Variants in TAGLN observed in about 807,000 individuals in gnomAD.
TAGLN encodes 22 kDa actin-binding protein.
In TAGLN, 16 loss-of-function variants were observed where a neutral mutation model predicts 21.9. The observed-to-expected ratio is 0.73, with a 90% CI of 0.49 to 1.11. TAGLN has a LOEUF of 1.11. Among genes scored for constraint, TAGLN ranks in the 50% least tolerant of loss-of-function variants. The pLI is 0.00. For missense variants in TAGLN, 248 were observed against 263.2 expected, an observed-to-expected ratio of 0.94 and a Z score of 0.40; for synonymous variants, 96 against 94.9, an observed-to-expected ratio of 1.01 and a Z score of -0.06.
At position 117,203,438 on chromosome 11, in the gene TAGLN, T is replaced by C; in HGVS notation, c.312T>C (p.Tyr104=). The C allele has an allele frequency of 6.2e-7, 1 of 1,614,152 alleles. No individual in the cohort carries two copies. The highest frequency in any genetic ancestry group is 8.5e-7 in the Non-Finnish European group (1 of 1,180,038). Reference sequence around the variant, plus strand: ...AGTTCCTGAAGGCGGCTGAGGACTATGGGGTCATCAAGACTGACATGTTCC... The same window carrying C: ...AGTTCCTGAAGGCGGCTGAGGACTACGGGGTCATCAAGACTGACATGTTCC... The part of the protein sequence containing the change: ...VAQFLKAAED[Y]GVIKTDMFQT... The change falls in exon 3 of 5, where the codon TAT becomes TAC. Residue 104 remains tyrosine (Y), a synonymous_variant. Transcript: ENST00000392951. The surrounding 1 kb of genome is among the most constrained non-coding windows in gnomAD (Gnocchi z 4.4).
chr11:117,201,310 C>T (rs1591777806), intron 1 of TAGLN: 2 of 152,250 alleles, frequency 1.3e-5, no homozygotes, highest in African/African-American at 4.8e-5. Context: ...TGCCCAATGA[C>T]GGGCACTTCG....
chr11:117,204,092 A>AT, intron 4 of TAGLN, 123 bp from the exon 5 acceptor site: 1 of 1,447,268 alleles, frequency 6.9e-7, no homozygotes, highest in Non-Finnish European at 9.4e-7. Flanking sequence ...GGCAAGCTAG[A>AT]TTAGGGAAAA....
intron 1 of TAGLN, chr11:117,202,632 T>C (rs2031145531): frequency 6.4e-6 from 1 of 156,006 alleles, no homozygotes; most frequent in South Asian, 2.0e-4. Flanking sequence ...CTGTCTGCTT[T>C]TGTAAGTAAA....
At chr11:117,202,707 C>T (rs76291231) in intron 1 of TAGLN, 2,551 of 213,514 alleles carry the variant, frequency 0.012, 75 homozygotes, top group African/African-American at 0.055. Flanking sequence ...CACACTGCAA[C>T]AGCAGAGACC....
In TAGLN at chr11:117,204,757, A is replaced by C; in HGVS notation, c.*398A>C. 2.9e-5 allele frequency: 7 copies of C among 240,140 alleles called. No homozygotes were observed. The highest frequency in any genetic ancestry group is 5.1e-5 in the Admixed American group (1 of 19,576). The allele number at this position is 240,140 out of a possible 1,614,324, so 14.9% of individuals were successfully genotyped here. A position where few individuals can be genotyped will look rare whatever the true frequency, so the allele number is the denominator to read the frequency against. On this transcript the variant is annotated 3_prime_UTR_variant, in exon 5 of 5. Transcript: ENST00000392951. ...GTCCTGGAATATTTTTGGGGTTGGA[A>C]CTCAAAAAAAAAAAAAAAAAATCAA...
At position 117,203,036 on chromosome 11, in the gene TAGLN, A is replaced by G. The variant is rs1463325807; in HGVS notation, c.23A>G (p.Tyr8Cys). The G allele has an allele frequency of 6.3e-7, 1 of 1,581,616 alleles. No individual in the cohort carries two copies. Among genetic ancestry groups the G allele is most frequent in the Non-Finnish European group, 8.6e-7 (1 of 1,164,548 alleles). Residue 8 changes from tyrosine to cysteine, a missense_variant, in exon 2 of 5, where the codon TAT becomes TGT. Tyr to Cys is a radical substitution (Grantham distance 194). Coordinates refer to ENST00000392951, the MANE Select transcript of TAGLN (RefSeq NM_003186.5). This position sits in a 1 kb window ranked among gnomAD's most constrained non-coding sequence, Gnocchi z 4.4. The stretch of plus-strand genomic sequence containing the variant: ...GACATGGCCAACAAGGGTCCTTCCT[A>G]TGGCATGAGCCGCGAAGTGCAGTCC... MANKGPS[Y>C]GMSREVQSKI...
chr11:117,203,442 GTCA>G lies in TAGLN; in HGVS notation c.320_322del (p.Ile107del), dbSNP rs770072244. On this transcript the variant is annotated inframe_deletion, in exon 3 of 5. Transcript: ENST00000392951. The surrounding 1 kb of genome is among the most constrained non-coding windows in gnomAD (Gnocchi z 4.4). The stretch of plus-strand genomic sequence containing the variant: ...CCTGAAGGCGGCTGAGGACTATGGG[GTCA>G]TCAAGACTGACATGTTCCAGACTGT... 7 of 1,614,094 alleles carry G rather than the reference GTCA, an allele frequency of 4.3e-6. No individual in the cohort carries two copies. The highest frequency in any genetic ancestry group is 1.3e-5 in the African/African-American group (1 of 74,930).
chr11:117,203,369 G>A lies in TAGLN; in HGVS notation c.243G>A (p.Glu81=). Residue 81 remains glutamate (E), a synonymous_variant, in exon 3 of 5, where the codon GAG becomes GAA. Transcript: ENST00000392951. This position sits in a 1 kb window ranked among gnomAD's most constrained non-coding sequence, Gnocchi z 4.4. ...PDGSKPVKVP[E]NPPSMVFKQM... is the part of the protein sequence containing the mutation. ...GCTCCAAGCCGGTGAAGGTGCCCGAGAACCCACCCTCCATGGTCTTCAAGC... is the reference window on the plus strand; with the variant it reads ...GCTCCAAGCCGGTGAAGGTGCCCGAAAACCCACCCTCCATGGTCTTCAAGC... The A allele has an allele frequency of 6.2e-7, 1 of 1,614,194 alleles. No homozygotes were observed. Among genetic ancestry groups the A allele is most frequent in the South Asian group, 1.1e-5 (1 of 91,084 alleles).
rs1197978162 is a variant in TAGLN at position 117,204,347 on chromosome 11, G to GATC, written c.599_601dup (p.Ile200dup). On this transcript the variant is annotated inframe_insertion, in exon 5 of 5. Transcript: ENST00000392951. ...TGACAGGCTACGGACGACCTCGGCA[G>GATC]ATCATCAGTTAGAGCGGAGAGGGCT... 6 of 1,614,242 alleles carry GATC rather than the reference G, an allele frequency of 3.7e-6. No homozygotes were observed. The Admixed American group carries it at 1.0e-4, about 27-fold the overall frequency.
Position 117,203,333 on chromosome 11 carries a change from G to A in TAGLN, c.207G>A (p.Leu69=), listed in dbSNP as rs757769043. 3 of 1,614,210 alleles carry A rather than the reference G, an allele frequency of 1.9e-6. No homozygotes were observed. Among genetic ancestry groups the A allele is most frequent in the South Asian group, 1.1e-5 (1 of 91,082 alleles). ...GVILSKLVNS[L]YPDGSKPVKV... ...TTCTGAGCAAGCTGGTGAACAGCCTGTACCCTGATGGCTCCAAGCCGGTGA... is the reference window on the plus strand; with the variant it reads ...TTCTGAGCAAGCTGGTGAACAGCCTATACCCTGATGGCTCCAAGCCGGTGA... Residue 69 remains leucine, a synonymous_variant, in exon 3 of 5, where the codon CTG becomes CTA. Transcript: ENST00000392951. This position sits in a 1 kb window ranked among gnomAD's most constrained non-coding sequence, Gnocchi z 4.4.
In TAGLN at chr11:117,203,160, CTTGGGCTTCCAG is replaced by C; in HGVS notation, c.148_159del (p.Leu50_Gln53del). 6.3e-7 allele frequency: 1 copy of C among 1,593,904 alleles called. No individual in the cohort carries two copies. Among genetic ancestry groups the C allele is most frequent in the Non-Finnish European group, 8.6e-7 (1 of 1,167,760 alleles). On this transcript the variant is annotated inframe_deletion, in exon 2 of 5. Transcript: ENST00000392951. This position sits in a 1 kb window ranked among gnomAD's most constrained non-coding sequence, Gnocchi z 4.4. Reference sequence around the variant, plus strand: ...ATGTGGGCCGCCCAGACCGTGGGCGCTTGGGCTTCCAGGTCTGGCTGAAGAATGGCGTGGTGA... The same window carrying C: ...ATGTGGGCCGCCCAGACCGTGGGCGCGTCTGGCTGAAGAATGGCGTGGTGA...
chr11:117,204,486 T>C lies in TAGLN; in HGVS notation c.*127T>C. The C allele has an allele frequency of 2.1e-6, 3 of 1,414,990 alleles. No individual in the cohort carries two copies. Among genetic ancestry groups the C allele is most frequent in the Non-Finnish European group, 2.9e-6 (3 of 1,021,112 alleles). The allele number at this position is 1,414,990 out of a possible 1,614,324, so 87.7% of individuals were successfully genotyped here. ...TGGCCAAGCTTTGAGGCTCTGTCAC[T>C]GAGCAATGGTAACTGCACCTGGGCA... is the stretch of plus-strand genomic sequence containing the variant. On this transcript the variant is annotated 3_prime_UTR_variant, in exon 5 of 5. Transcript: ENST00000392951.
At chr11:117,200,733 C>T (rs652455) in intron 1 of TAGLN, among the ~76,000 whole-genome samples, 118,640 of 152,000 alleles carry the variant, frequency 0.78, 46,811 homozygotes, top group Non-Finnish European at 0.85. Flanking sequence ...GGGGCTGCAG[C>T]GTTGTGTACC....
rs1451840635 is a variant in TAGLN at position 117,203,104 on chromosome 11, G to C, written c.91G>C (p.Val31Leu). Residue 31 changes from valine (V) to leucine (L), a missense_variant, in exon 2 of 5, where the codon GTG becomes CTG. Val to Leu is a conservative substitution (Grantham distance 32, BLOSUM62 1). Transcript: ENST00000392951. This position sits in a 1 kb window ranked among gnomAD's most constrained non-coding sequence, Gnocchi z 4.4. ...TGACGAGGAGCTGGAGGAGCGGCTGGTGGAGTGGATCATAGTGCAGTGTGG... is the reference window on the plus strand; with the variant it reads ...TGACGAGGAGCTGGAGGAGCGGCTGCTGGAGTGGATCATAGTGCAGTGTGG... The part of the protein sequence containing the change: ...KYDEELEERL[V>L]EWIIVQCGPD... 1 of 1,612,966 alleles carries C rather than the reference G, an allele frequency of 6.2e-7. No homozygotes were observed. The highest frequency in any genetic ancestry group is 1.7e-5 in the Admixed American group (1 of 59,864).
In TAGLN at chr11:117,206,465, T is replaced by G; in HGVS notation, c.*2106T>G. The G allele has an allele frequency of 6.8e-7, 1 of 1,471,780 alleles. No homozygotes were observed. The highest frequency in any genetic ancestry group is 9.1e-7 in the Non-Finnish European group (1 of 1,101,196). The allele number at this position is 1,471,780 out of a possible 1,614,324, so 91.2% of individuals were successfully genotyped here. A position where few individuals can be genotyped will look rare whatever the true frequency, so the allele number is the denominator to read the frequency against. On this transcript the variant is annotated 3_prime_UTR_variant, in exon 5 of 5. Transcript: ENST00000392951. ...GTCTTTTTCCTTCTAGGGACTGCCT[T>G]TTTCACCCAAACTGTTCCCTCTGCC...
intron 1 of TAGLN, 43 bp from the exon 2 acceptor site, chr11:117,202,959 C>A: frequency 6.6e-7 from 1 of 1,507,104 alleles, no homozygotes; most frequent in South Asian, 1.3e-5. Context: ...AGAGCTGCTC[C>A]CTGACCCTCT....
chr11:117,204,040 C>T (rs1273822957), intron 4 of TAGLN, 156 bp downstream of exon 4: 16 of 1,098,142 alleles, frequency 1.5e-5, no homozygotes, highest in Admixed American at 2.4e-5. Context: ...TCCTTGACCC[C>T]TCCCTTTCCA....
At position 117,206,925 on chromosome 11, in the gene TAGLN, T is replaced by C. The variant is rs1325123757; in HGVS notation, c.*2566T>C. Reference sequence around the variant, plus strand: ...CACAGCAAAAAGGAGAGGCCCAGACTGTGAGTTCCCAGCCCGGGGCTCCAT... The same window carrying C: ...CACAGCAAAAAGGAGAGGCCCAGACCGTGAGTTCCCAGCCCGGGGCTCCAT... On this transcript the variant is annotated 3_prime_UTR_variant, in exon 5 of 5. Transcript: ENST00000392951. The C allele has an allele frequency of 3.1e-6, 3 of 959,312 alleles. No individual in the cohort carries two copies. Among genetic ancestry groups the C allele is most frequent in the African/African-American group, 3.3e-5 (2 of 61,516 alleles). 59.4% of individuals were successfully genotyped at this position (959,312 alleles called of 1,614,324 possible). A position where few individuals can be genotyped will look rare whatever the true frequency, so the allele number is the denominator to read the frequency against.
chr11:117,203,104 G>A lies in TAGLN; in HGVS notation c.91G>A (p.Val31Met). Residue 31 changes from valine to methionine, a missense_variant, in exon 2 of 5, where the codon GTG becomes ATG. Coordinates refer to ENST00000392951, the MANE Select transcript of TAGLN (RefSeq NM_003186.5). This position sits in a 1 kb window ranked among gnomAD's most constrained non-coding sequence, Gnocchi z 4.4. ...KYDEELEERL[V>M]EWIIVQCGPD... The stretch of plus-strand genomic sequence containing the variant: ...TGACGAGGAGCTGGAGGAGCGGCTG[G>A]TGGAGTGGATCATAGTGCAGTGTGG... 6.2e-7 allele frequency: 1 copy of A among 1,612,966 alleles called. No homozygotes were observed. Among genetic ancestry groups the A allele is most frequent in the Non-Finnish European group, 8.5e-7 (1 of 1,179,398 alleles).
Sources: allele counts gnomAD v4.1 joint callset (sites outside exome capture counted in the v4.1 genomes callset), GRCh38; gene constraint gnomAD v4.1.1; non-coding constraint Gnocchi (gnomAD v3.1); transcripts MANE v1.5; gene names NCBI Gene and HGNC (gene_info 2026-07-23, HGNC 2026-07-21).